CDKAL1: variants seen among roughly 807,000 people sequenced by gnomAD.
The protein encoded by CDKAL1 is CDKAL1 threonylcarbamoyladenosine tRNA methylthiotransferase.
CDKAL1 carries 32 observed loss-of-function variants against 68.2 expected under a neutral mutation model. That is an observed-to-expected ratio of 0.47 (90% CI 0.35 to 0.63). The LOEUF (loss-of-function observed/expected upper bound fraction) is 0.63. CDKAL1 is among the 30% of genes least tolerant of loss of function. The probability of loss-of-function intolerance (pLI) is 0.00; values close to 1 mark genes in which losing one functional copy is unlikely to be tolerated. For synonymous variants in CDKAL1, 234 were observed against 244.3 expected (o/e 0.96, Z 0.39); for missense variants, 606 against 696.7 (o/e 0.87, Z 1.47).
intron 8 of CDKAL1, among the ~76,000 whole-genome samples, chr6:20,794,230 C>G (rs1321501357): frequency 6.6e-6 from 1 of 151,922 alleles, no homozygotes; most frequent in Non-Finnish European, 1.5e-5. Flanking sequence ...TTATTAAAAG[C>G]CTCTTTTTTT....
intron 6 of CDKAL1, chr6:20,756,032 C>T (rs1355023311): frequency 1.3e-5 from 2 of 152,160 alleles, no homozygotes; most frequent in Non-Finnish European, 2.9e-5. Flanking sequence ...TTTTCCCATG[C>T]TTTACCCCTA....
chr6:20,895,251 TACTC>T (rs1477713495), intron 9 of CDKAL1, among the ~76,000 whole-genome samples: 1 of 152,232 alleles, frequency 6.6e-6, no homozygotes, highest in African/African-American at 2.4e-5. Flanking sequence ...ATTTACAACT[TACTC>T]ACCTGGTAAT....
chr6:20,894,250 T>A (rs555044590), intron 9 of CDKAL1, among the ~76,000 whole-genome samples: 2 of 152,308 alleles, frequency 1.3e-5, no homozygotes, highest in East Asian at 3.9e-4. Context: ...GGTCAGATAT[T>A]GTTTTATAAA....
chr6:20,669,549 T>C (rs2127779034), intron 5 of CDKAL1, among the ~76,000 whole-genome samples: 1 of 152,292 alleles, frequency 6.6e-6, no homozygotes, highest in Non-Finnish European at 1.5e-5. Flanking sequence ...TGACAAGCTA[T>C]GGAACTCAGC....
intron 2 of CDKAL1, among the ~76,000 whole-genome samples, chr6:20,540,077 C>CTTTTTTTTTT (rs71538791): frequency 0.14 from 18,327 of 129,172 alleles, 1,876 homozygotes; most frequent in African/African-American, 0.24. Flanking sequence ...TTGGGATTGT[C>CTTTTTTTTTT]TTTTTTTTTT....
At chr6:21,072,850 T>A (rs1305517593) in intron 12 of CDKAL1, among the ~76,000 whole-genome samples, 1 of 152,164 alleles carries the variant, frequency 6.6e-6, no homozygotes, top group East Asian at 1.9e-4. Context: ...TCACCCAAAG[T>A]CCATAGTTTA....
chr6:20,718,565 G>A (rs1772198848), intron 5 of CDKAL1, among the ~76,000 whole-genome samples: 2 of 152,058 alleles, frequency 1.3e-5, no homozygotes, highest in Admixed American at 1.3e-4. Flanking sequence ...TGAATATATT[G>A]CCTGTTTTCA....
intron 4 of CDKAL1, among the ~76,000 whole-genome samples, chr6:20,582,594 A>T (rs949300045): frequency 3.3e-5 from 5 of 152,114 alleles, no homozygotes; most frequent in Non-Finnish European, 7.4e-5. Flanking sequence ...TCTGAAATCC[A>T]ACCTATTTTG....
chr6:20,814,668 G>A (rs1042278065), intron 8 of CDKAL1, among the ~76,000 whole-genome samples: 10 of 152,184 alleles, frequency 6.6e-5, no homozygotes, highest in Non-Finnish European at 1.2e-4. Flanking sequence ...AAGTCAGAAG[G>A]CTTTTGCTGA....
intron 10 of CDKAL1, among the ~76,000 whole-genome samples, chr6:20,999,510 A>G (rs551468631): frequency 3.6e-4 from 55 of 152,110 alleles, no homozygotes; most frequent in Non-Finnish European, 6.3e-4. Context: ...GCTTGGCAAG[A>G]TACGTTCTTC....
chr6:21,017,087 CA>C (rs1768380851), intron 11 of CDKAL1, among the ~76,000 whole-genome samples: 1 of 152,190 alleles, frequency 6.6e-6, no homozygotes. Context: ...AGGAATTATG[CA>C]AAGTATTTTA....
intron 13 of CDKAL1, among the ~76,000 whole-genome samples, chr6:21,123,915 C>T (rs1276322444): frequency 6.6e-6 from 1 of 152,190 alleles, no homozygotes; most frequent in Admixed American, 6.5e-5. Context: ...CAAATTAGTG[C>T]CCCCCAAAGG....
chr6:20,546,217 A>G, intron 2 of CDKAL1, 129 bp from the exon 3 acceptor site: 1 of 653,690 alleles, frequency 1.5e-6, no homozygotes, highest in Non-Finnish European at 2.6e-6. Context: ...TATCTCTTGT[A>G]TTTTCTATAA....
At chr6:20,927,917 T>C (rs772124370) in intron 9 of CDKAL1, among the ~76,000 whole-genome samples, 1 of 152,230 alleles carries the variant, frequency 6.6e-6, no homozygotes, top group Non-Finnish European at 1.5e-5. Context: ...TTAGACTGTA[T>C]AATTTGACTT....
At chr6:20,726,018 G>GT (rs200085537) in intron 5 of CDKAL1, among the ~76,000 whole-genome samples, 1,809 of 150,468 alleles carry the variant, frequency 0.012, 28 homozygotes, top group African/African-American at 0.039. Context: ...CCTAAAATAC[G>GT]TTTTTTTTTC....
intron 12 of CDKAL1, among the ~76,000 whole-genome samples, chr6:21,094,371 C>A (rs1773213474): frequency 6.6e-6 from 1 of 152,086 alleles, no homozygotes; most frequent in African/African-American, 2.4e-5. Context: ...AGCTGGGAAG[C>A]TATGTGGAGC....
intron 4 of CDKAL1, among the ~76,000 whole-genome samples, chr6:20,645,173 G>C (rs753246269): frequency 5.3e-4 from 81 of 152,158 alleles, no homozygotes; most frequent in Non-Finnish European, 1.0e-3. Flanking sequence ...TGAGTGGGTG[G>C]TGAGTGAATG....
intron 6 of CDKAL1, among the ~76,000 whole-genome samples, chr6:20,752,833 C>T (rs1773985622): frequency 6.6e-6 from 1 of 152,096 alleles, no homozygotes; most frequent in Non-Finnish European, 1.5e-5. Context: ...CCAATTGTTT[C>T]AATACTGTCC....
intron 7 of CDKAL1, among the ~76,000 whole-genome samples, chr6:20,767,184 A>G (rs1774739226): frequency 6.6e-6 from 1 of 152,196 alleles, no homozygotes; most frequent in African/African-American, 2.4e-5. Context: ...AGTAAAATAT[A>G]TTGAGAATAG....
Sources: allele counts gnomAD v4.1 joint callset (sites outside exome capture counted in the v4.1 genomes callset), GRCh38; gene constraint gnomAD v4.1.1; transcripts MANE v1.5; gene names NCBI Gene and HGNC (gene_info 2026-07-23, HGNC 2026-07-21).